PI4K2B: variants seen among roughly 807,000 people sequenced by gnomAD.
PI4K2B encodes the protein phosphatidylinositol 4-kinase type 2 beta.
In PI4K2B, 46 loss-of-function variants were observed where a neutral mutation model predicts 56.6. The observed-to-expected ratio is 0.81, with a 90% CI of 0.64 to 1.04. The LOEUF is 1.04. Among genes scored for constraint, PI4K2B ranks in the 50% least tolerant of loss-of-function variants. PI4K2B has a pLI of 0.00. For missense variants in PI4K2B, 556 were observed against 607.7 expected, an observed-to-expected ratio of 0.91 and a Z score of 0.89; for synonymous variants, 211 against 223.8, an observed-to-expected ratio of 0.94 and a Z score of 0.51.
chr4:25,249,912 C>T (rs967892995), intron 1 of PI4K2B, among the ~76,000 whole-genome samples: 7 of 152,204 alleles, frequency 4.6e-5, no homozygotes, highest in African/African-American at 1.4e-4. Context: ...CACGCCACTG[C>T]ACTCCAGCCT....
chr4:25,254,904 A>G lies in PI4K2B; in HGVS notation c.424-161A>G, dbSNP rs567366201. Among the ~76,000 whole-genome samples the G allele has an allele frequency of 2.6e-5, 4 of 152,268 alleles. No homozygotes were observed. In the South Asian group the frequency reaches 8.3e-4, roughly 32 times the overall value. ...AATATGAAAATGTGATTGGAACTAA[A>G]TCTCTTAATAGTTGAGGTTTATAAA... On this transcript the variant is annotated intron_variant, in intron 2 of 9. Coordinates refer to ENST00000264864, the MANE Select transcript of PI4K2B (RefSeq NM_018323.4).
chr4:25,268,094 A>G (rs1716731145), intron 7 of PI4K2B, among the ~76,000 whole-genome samples: 2 of 152,222 alleles, frequency 1.3e-5, no homozygotes, highest in Non-Finnish European at 2.9e-5. Context: ...TCTTAAAAAT[A>G]TATAATAATA....
At chr4:25,251,886 C>T (rs1577684934) in intron 1 of PI4K2B, among the ~76,000 whole-genome samples, 1 of 152,036 alleles carries the variant, frequency 6.6e-6, no homozygotes, top group Admixed American at 6.5e-5. Flanking sequence ...TGCAGTGGCG[C>T]AATCTCTGCT....
At chr4:25,250,432 C>T (rs950969823) in intron 1 of PI4K2B, 1 of 152,088 alleles carries the variant, frequency 6.6e-6, no homozygotes, top group South Asian at 2.1e-4. Context: ...ACAACATATA[C>T]CAGGGCCTTT....
rs369808105 is a variant in PI4K2B at position 25,247,083 on chromosome 4, A to G, written c.269-5238A>G. On this transcript the variant is annotated intron_variant, in intron 1 of 9. Transcript: ENST00000264864. ...CTCCCCCAGTGCAGTGGCAGGCTGA[A>G]GAGCTCCTCAGGCACGGCCAGAGTG... Among the ~76,000 whole-genome samples, 180 of 152,312 alleles carry G rather than the reference A, an allele frequency of 1.2e-3. 2 individuals carry two copies. The South Asian group carries it at 0.022, about 18-fold the overall frequency.
In PI4K2B at chr4:25,234,246, C is replaced by G. The variant is rs746431870; in HGVS notation, c.83C>G (p.Pro28Arg). ...PEEEEDGERE[P>R]LLPRIAWAHP... ...GAGGAGGAGGATGGGGAGCGGGAGC[C>G]GCTGCTACCGCGGATCGCCTGGGCC... The change falls in exon 1 of 10, where the codon CCG becomes CGG. Residue 28 changes from proline (P) to arginine (R), a missense_variant. Transcript: ENST00000264864. 7 of 1,427,636 alleles carry G rather than the reference C, an allele frequency of 4.9e-6. No individual in the cohort carries two copies. The highest frequency in any genetic ancestry group is 4.4e-5 in the African/African-American group (3 of 67,644). 88.4% of individuals were successfully genotyped at this position (1,427,636 alleles called of 1,614,324 possible).
intron 4 of PI4K2B, 53 bp downstream of exon 4, chr4:25,256,727 G>A: frequency 6.6e-7 from 1 of 1,510,302 alleles, no homozygotes; most frequent in Non-Finnish European, 9.1e-7. Context: ...CATACATCCT[G>A]AGCTCTAGGA....
intron 9 of PI4K2B, among the ~76,000 whole-genome samples, chr4:25,273,062 G>A (rs1300673811): frequency 6.6e-6 from 1 of 151,806 alleles, no homozygotes; most frequent in Non-Finnish European, 1.5e-5. Context: ...TAAGCCGTTA[G>A]TTTTACACAT....
chr4:25,268,436 C>T lies in PI4K2B; in HGVS notation c.1079-7C>T. 6.3e-7 allele frequency: 1 copy of T among 1,596,534 alleles called. No homozygotes were observed. The highest frequency in any genetic ancestry group is 1.8e-5 in the Admixed American group (1 of 56,014). ...CCACTGATTAGGAGAATGCTTTTTTCTATTAGATCCATTTCACTGGGCTTG... is the reference window on the plus strand; with the variant it reads ...CCACTGATTAGGAGAATGCTTTTTTTTATTAGATCCATTTCACTGGGCTTG... On this transcript the variant is annotated splice_region_variant and splice_polypyrimidine_tract_variant and intron_variant, in intron 7 of 9. Transcript: ENST00000264864.
At chr4:25,258,893 G>T in intron 4 of PI4K2B, 144 bp from the exon 5 acceptor site, 1 of 466,026 alleles carries the variant, frequency 2.1e-6, no homozygotes, top group East Asian at 3.2e-5. Flanking sequence ...TGGTTTTCTT[G>T]ATAAATGTGG....
rs527738878 is a variant in PI4K2B at position 25,251,981 on chromosome 4, A to T, written c.269-340A>T. The stretch of plus-strand genomic sequence containing the variant: ...TGGAATTACAGGTGCCCACCACCAC[A>T]TCTGGCTAATTTTTTGTATTTTTAG... On this transcript the variant is annotated intron_variant, in intron 1 of 9. Coordinates refer to ENST00000264864, the MANE Select transcript of PI4K2B (RefSeq NM_018323.4). Among the ~76,000 whole-genome samples, 18 of 152,090 alleles carry T rather than the reference A, an allele frequency of 1.2e-4. No homozygotes were observed. The South Asian group carries it at 3.5e-3, about 30-fold the overall frequency.
chr4:25,238,654 G>A lies in PI4K2B; in HGVS notation c.268+4223G>A, dbSNP rs562102016. Reference sequence around the variant, plus strand: ...TGAGAGTTATGGCTCTTAAGCTGGCGCGTCTGGAGTTGTTCATTCCTCCTG... The same window carrying A: ...TGAGAGTTATGGCTCTTAAGCTGGCACGTCTGGAGTTGTTCATTCCTCCTG... On this transcript the variant is annotated intron_variant, in intron 1 of 9. Transcript: ENST00000264864. Among the ~76,000 whole-genome samples the A allele has an allele frequency of 5.0e-4, 76 of 152,214 alleles. 1 individual carries two copies. Among genetic ancestry groups the A allele is most frequent in the African/African-American group, 1.6e-3 (65 of 41,530 alleles).
Position 25,252,859 on chromosome 4 carries a change from C to G in PI4K2B, c.423+384C>G, listed in dbSNP as rs570607641. ...TGAACTCCTGGGCTCAAGCAAACCT[C>G]GGCTTTGGCTCCCAAAGTGTTGAGA... On this transcript the variant is annotated intron_variant, in intron 2 of 9. Transcript: ENST00000264864. Among the ~76,000 whole-genome samples the G allele has an allele frequency of 2.0e-5, 3 of 152,308 alleles. No individual in the cohort carries two copies. The East Asian group carries it at 5.8e-4, about 29-fold the overall frequency.
At chr4:25,245,431 A>G (rs1247921964) in intron 1 of PI4K2B, among the ~76,000 whole-genome samples, 2 of 152,160 alleles carry the variant, frequency 1.3e-5, no homozygotes, top group East Asian at 3.9e-4. Context: ...AGTTCCGCTC[A>G]TGGCCGCAGG....
intron 6 of PI4K2B, among the ~76,000 whole-genome samples, chr4:25,261,331 T>C (rs1195537649): frequency 3.9e-5 from 6 of 152,144 alleles, no homozygotes; most frequent in Non-Finnish European, 8.8e-5. Flanking sequence ...AAGAAGCTGG[T>C]TTTAACATAT....
intron 1 of PI4K2B, among the ~76,000 whole-genome samples, 192 bp downstream of exon 1, chr4:25,234,623 C>T (rs567926707): frequency 2.2e-4 from 33 of 152,376 alleles, no homozygotes; most frequent in African/African-American, 7.7e-4. Context: ...GCTCTTTCTC[C>T]GGGAGCTCCC....
intron 6 of PI4K2B, among the ~76,000 whole-genome samples, chr4:25,262,160 T>C (rs575774277): frequency 6.6e-6 from 1 of 152,058 alleles, no homozygotes; most frequent in Non-Finnish European, 1.5e-5. Context: ...ATAAAAGACT[T>C]AAAGATAGTA....
At chr4:25,253,567 AC>A (rs1380298403) in intron 2 of PI4K2B, among the ~76,000 whole-genome samples, 1 of 152,082 alleles carries the variant, frequency 6.6e-6, no homozygotes, top group Admixed American at 6.6e-5. Flanking sequence ...GATCTTGTTG[AC>A]TTTTTTACTA....
At chr4:25,254,400 AT>A in intron 2 of PI4K2B, 3 of 880,696 alleles carry the variant, frequency 3.4e-6, no homozygotes, top group Non-Finnish European at 4.1e-6. Context: ...ACATTTAAAA[AT>A]CAGTGAAAGT....
Sources: gnomAD v4.1 joint callset for allele counts (sites outside exome capture counted in the v4.1 genomes callset) on GRCh38, gnomAD v4.1.1 for gene constraint, MANE v1.5 for transcripts, NCBI Gene and HGNC (gene_info 2026-07-23, HGNC 2026-07-21) for gene names.